The following CELA3A variants were observed in gnomAD, a reference collection of about 807,000 sequenced individuals.
The protein encoded by CELA3A is chymotrypsin-like elastase family member 3A.
A neutral mutation model predicts 38.6 loss-of-function variants in CELA3A; 35 were observed. The ratio of observed to expected loss-of-function variants is 0.91; its 90% CI spans 0.69 to 1.20. The LOEUF is 1.20. Ranked by LOEUF, CELA3A falls within the 50% of genes most tolerant of loss-of-function variation. The pLI is 0.00. For missense variants in CELA3A, 343 were observed against 354.2 expected (o/e 0.97, Z 0.25); for synonymous variants, 143 against 136.7 (o/e 1.05, Z -0.32).
At chr1:22,004,504 T>C (rs142626954) in intron 2 of CELA3A, among the ~76,000 whole-genome samples, 9 of 134,006 alleles carry the variant, frequency 6.7e-5, no homozygotes, top group African/African-American at 2.6e-4. Context: ...ATTCTGTAAA[T>C]GGCCAGAGAG....
intron 5 of CELA3A, 38 bp from the exon 6 acceptor site, chr1:22,007,335 C>A: frequency 6.3e-7 from 1 of 1,580,896 alleles, no homozygotes; most frequent in Non-Finnish European, 8.6e-7. Flanking sequence ...TAGCGGTGTG[C>A]CCCCAGACCC....
Position 22,006,982 on chromosome 1 carries a change from C to G in CELA3A, c.467C>G (p.Pro156Arg), listed in dbSNP as rs770464799. ...PAGDILPNKT[P>R]CYITGWGRLY... Reference sequence around the variant, plus strand: ...GGTGACATCCTTCCCAACAAGACACCCTGCTACATCACCGGCTGGGGCCGT... The same window carrying G: ...GGTGACATCCTTCCCAACAAGACACGCTGCTACATCACCGGCTGGGGCCGT... The change falls in exon 5 of 8, where the codon CCC becomes CGC. Residue 156 changes from proline to arginine, a missense_variant. By Grantham distance (103) the Pro-to-Arg change is moderately radical (BLOSUM62 -2). Coordinates refer to ENST00000290122, the MANE Select transcript of CELA3A (RefSeq NM_005747.5). 4 of 1,612,366 alleles carry G rather than the reference C, an allele frequency of 2.5e-6. No homozygotes were observed. The highest frequency in any genetic ancestry group is 3.4e-6 in the Non-Finnish European group (4 of 1,179,482).
At chr1:22,008,378 T>C (rs1032682115) in intron 6 of CELA3A, among the ~76,000 whole-genome samples, 2 of 150,724 alleles carry the variant, frequency 1.3e-5, no homozygotes, top group Non-Finnish European at 3.0e-5. Context: ...CTCTAACTCT[T>C]GGGCTCAAGT....
At chr1:22,007,163 C>T (rs1315094713) in intron 5 of CELA3A, 149 bp downstream of exon 5, 3 of 1,398,732 alleles carry the variant, frequency 2.1e-6, no homozygotes, top group Middle Eastern at 3.7e-4. Flanking sequence ...ACCTCCAAAA[C>T]ACGAATGTGG....
chr1:22,005,158 G>A (rs1225762249), intron 2 of CELA3A, among the ~76,000 whole-genome samples: 1 of 151,462 alleles, frequency 6.6e-6, no homozygotes, highest in African/African-American at 2.4e-5. Flanking sequence ...GGCCTTCAAG[G>A]GCTGTTAAGA....
chr1:22,004,176 A>G (rs1182518556), intron 2 of CELA3A, among the ~76,000 whole-genome samples: 2 of 149,460 alleles, frequency 1.3e-5, no homozygotes, highest in African/African-American at 5.0e-5. Context: ...GGTCCAAGCA[A>G]TAATCCCACC....
chr1:22,006,716 CAATAATAATAAT>C (rs111798236), intron 4 of CELA3A, among the ~76,000 whole-genome samples, 150 bp from the exon 5 acceptor site: 1 of 145,394 alleles, frequency 6.9e-6, no homozygotes, highest in Non-Finnish European at 1.5e-5. Flanking sequence ...GACTCTGTCT[CAATAATAATAAT>C]AATAATAATA....
chr1:22,006,980 A>G lies in CELA3A; in HGVS notation c.465A>G (p.Thr155=), dbSNP rs748819178. 6.2e-7 allele frequency: 1 copy of G among 1,611,962 alleles called. No individual in the cohort carries two copies. Among genetic ancestry groups the G allele is most frequent in the Non-Finnish European group, 8.5e-7 (1 of 1,179,326 alleles). ...CTGGTGACATCCTTCCCAACAAGACACCCTGCTACATCACCGGCTGGGGCC... is the reference window on the plus strand; with the variant it reads ...CTGGTGACATCCTTCCCAACAAGACGCCCTGCTACATCACCGGCTGGGGCC... The part of the protein sequence containing the change: ...PPAGDILPNK[T]PCYITGWGRL... The change falls in exon 5 of 8, where the codon ACA becomes ACG. Residue 155 remains threonine, a synonymous_variant. Coordinates refer to ENST00000290122, the MANE Select transcript of CELA3A (RefSeq NM_005747.5).
In CELA3A at chr1:22,002,926, G is replaced by T. The variant is rs1569864422; in HGVS notation, c.44-77G>T. 4.4e-6 allele frequency: 6 copies of T among 1,355,622 alleles called. 1 individual carries two copies. The East Asian group carries it at 1.3e-4, about 29-fold the overall frequency. 84.0% of individuals were successfully genotyped at this position (1,355,622 alleles called of 1,614,324 possible). ...GGTCACACAGCCAGTTGAAGGCATG[G>T]CTTGGACTGGGACCCTGGCCTCCTC... On this transcript the variant is annotated intron_variant, in intron 1 of 7. Coordinates refer to ENST00000290122, the MANE Select transcript of CELA3A (RefSeq NM_005747.5).
At position 22,009,122 on chromosome 1, in the gene CELA3A, T is replaced by C. The variant is rs906955066; in HGVS notation, c.643-583T>C. Among the ~76,000 whole-genome samples the C allele has an allele frequency of 1.5e-4, 22 of 151,232 alleles. 1 individual carries two copies. The highest frequency in any genetic ancestry group is 5.4e-4 in the African/African-American group (22 of 40,840). ...GACTCACGCCTGTAATCCCAGCACT[T>C]CGGGAGGCTGAGGCGGGCGGATCAC... is the stretch of plus-strand genomic sequence containing the variant. On this transcript the variant is annotated intron_variant, in intron 6 of 7. Coordinates refer to ENST00000290122, the MANE Select transcript of CELA3A (RefSeq NM_005747.5).
chr1:22,009,227 G>A (rs897306743), intron 6 of CELA3A, among the ~76,000 whole-genome samples: 3 of 151,412 alleles, frequency 2.0e-5, no homozygotes, highest in Non-Finnish European at 4.4e-5. Flanking sequence ...AGCCGGGCGT[G>A]GTAGTGGGCA....
intron 6 of CELA3A, among the ~76,000 whole-genome samples, chr1:22,008,365 G>T (rs112614392): frequency 1.3e-5 from 2 of 150,504 alleles, no homozygotes; most frequent in South Asian, 2.1e-4. Context: ...TGCCCAGGCT[G>T]GTCTCTAACT....
intron 5 of CELA3A, 96 bp from the exon 6 acceptor site, chr1:22,007,277 A>C: frequency 6.7e-7 from 1 of 1,492,888 alleles, no homozygotes; most frequent in South Asian, 1.3e-5. Flanking sequence ...AGTCCTCATC[A>C]GGGCAGAAGA....
Position 22,005,475 on chromosome 1 carries a change from G to A in CELA3A, c.158G>A (p.Ser53Asn), listed in dbSNP as rs1309517973. The change falls in exon 3 of 8, where the codon AGC becomes AAC. Residue 53 changes from serine (S) to asparagine (N), a missense_variant. Transcript: ENST00000290122. ...TCCCTGCAGTATGAGAAAAGTGGAAGCTTCTACCACACGTGTGGCGGTAGC... is the reference window on the plus strand; with the variant it reads ...TCCCTGCAGTATGAGAAAAGTGGAAACTTCTACCACACGTGTGGCGGTAGC... ...QVSLQYEKSG[S>N]FYHTCGGSLI... is the part of the protein sequence containing the mutation. 2.5e-6 allele frequency: 4 copies of A among 1,612,974 alleles called. No individual in the cohort carries two copies. The highest frequency in any genetic ancestry group is 3.4e-6 in the Non-Finnish European group (4 of 1,179,654).
intron 7 of CELA3A, chr1:22,010,063 G>A: frequency 1.4e-6 from 1 of 698,388 alleles, no homozygotes; most frequent in Non-Finnish European, 2.4e-6. Context: ...GGTGGTGCTT[G>A]GAACTACAGC....
intron 4 of CELA3A, chr1:22,006,078 C>T: frequency 2.3e-6 from 1 of 433,946 alleles, no homozygotes; most frequent in South Asian, 3.9e-5. Context: ...TGGCTAGTGG[C>T]TTCAGAGCTC....
intron 2 of CELA3A, 34 bp downstream of exon 2, chr1:22,003,122 G>A (rs528135718): frequency 7.8e-6 from 12 of 1,544,508 alleles, no homozygotes; most frequent in Admixed American, 5.1e-5. Flanking sequence ...CATTCCCACC[G>A]TGGGCTCTGG....
At position 22,011,782 on chromosome 1, in the gene CELA3A, T is replaced by C. The variant is rs1174437851; in HGVS notation, c.796-668T>C. On this transcript the variant is annotated intron_variant, in intron 7 of 7. Transcript: ENST00000290122. ...CTTAAAAAAAAAAAAAGGCCGGGCG[T>C]GGTGGCTCACACCCGTAATCCCACC... Among the ~76,000 whole-genome samples, 35 of 118,308 alleles carry C rather than the reference T, an allele frequency of 3.0e-4. 10 individuals carry two copies. Among genetic ancestry groups the C allele is most frequent in the African/African-American group, 1.1e-3 (31 of 28,392 alleles). 77.6% of individuals were successfully genotyped at this position (118,308 alleles called of 152,430 possible).
intron 3 of CELA3A, 30 bp from the exon 4 acceptor site, chr1:22,005,632 G>A (rs377497064): frequency 6.2e-7 from 1 of 1,612,382 alleles, no homozygotes; most frequent in Non-Finnish European, 8.5e-7. Flanking sequence ...GAGCCAGTCA[G>A]GCCCCGACTG....
Sources: allele counts gnomAD v4.1 joint callset (sites outside exome capture counted in the v4.1 genomes callset), GRCh38; gene constraint gnomAD v4.1.1; transcripts MANE v1.5; gene names NCBI Gene and HGNC (gene_info 2026-07-23, HGNC 2026-07-21).